The following PPARGC1A variants were observed in gnomAD, a reference collection of about 807,000 sequenced individuals.
PPARGC1A encodes the protein PPARG coactivator 1 alpha, also known as peroxisome proliferator-activated receptor gamma coactivator 1-alpha.
A neutral mutation model predicts 88.7 loss-of-function variants in PPARGC1A; 25 were observed. The ratio of observed to expected loss-of-function variants is 0.28; its 90% confidence interval spans 0.21 to 0.39. PPARGC1A has a LOEUF of 0.39. Ranked by LOEUF, PPARGC1A falls within the 10% of genes least tolerant of loss-of-function variation. The pLI is 1.00. For missense variants in PPARGC1A, 880 were observed against 968.7 expected, an observed-to-expected ratio of 0.91 and a Z score of 1.22; for synonymous variants, 363 against 355.6, an observed-to-expected ratio of 1.02 and a Z score of -0.24.
chr4:24,344,818 A>T, the PPARGC1A span, among the ~76,000 whole-genome samples: 1 of 152,122 alleles, frequency 6.6e-6, no homozygotes, highest in Non-Finnish European at 1.5e-5. Context: ...TTGGTCATTA[A>T]ATCCTTGCCT....
the PPARGC1A span, among the ~76,000 whole-genome samples, chr4:24,128,739 T>C: frequency 1.3e-5 from 2 of 152,164 alleles, no homozygotes; most frequent in East Asian, 3.9e-4. Context: ...ATCAATTCTC[T>C]CCCCATCTTC....
intron 7 of PPARGC1A, among the ~76,000 whole-genome samples, chr4:23,823,605 AAT>A (rs1461272738): frequency 1.2e-4 from 19 of 152,080 alleles, no homozygotes; most frequent in Non-Finnish European, 2.8e-4. Flanking sequence ...GTATTTAAGA[AAT>A]AGTGTTATGT....
chr4:24,045,894 C>T, the PPARGC1A span, among the ~76,000 whole-genome samples: 5 of 152,094 alleles, frequency 3.3e-5, no homozygotes, highest in Non-Finnish European at 7.4e-5. Context: ...GCCCAATCAA[C>T]CAAAAGACCC....
the PPARGC1A span, among the ~76,000 whole-genome samples, chr4:24,451,599 G>A: frequency 8.5e-5 from 13 of 152,224 alleles, no homozygotes; most frequent in South Asian, 2.5e-3. Flanking sequence ...TGTTTTTTGA[G>A]ATGGTGTCTT....
the PPARGC1A span, among the ~76,000 whole-genome samples, chr4:24,193,228 T>C: frequency 1.3e-5 from 2 of 152,204 alleles, no homozygotes; most frequent in African/African-American, 4.8e-5. Context: ...AGCTGTCTTC[T>C]AGCTGCAACT....
the PPARGC1A span, among the ~76,000 whole-genome samples, chr4:23,971,305 T>C: frequency 6.6e-6 from 1 of 152,202 alleles, no homozygotes; most frequent in African/African-American, 2.4e-5. Flanking sequence ...ATCAGTATAG[T>C]TGAGGCATAG....
chr4:24,257,074 T>C, the PPARGC1A span, among the ~76,000 whole-genome samples: 1 of 152,124 alleles, frequency 6.6e-6, no homozygotes, highest in Non-Finnish European at 1.5e-5. Flanking sequence ...ATTGTAGGGA[T>C]GAATAGGACA....
At chr4:24,209,739 GTTC>G in the PPARGC1A span, among the ~76,000 whole-genome samples, 2 of 152,126 alleles carry the variant, frequency 1.3e-5, no homozygotes, top group East Asian at 1.9e-4. Flanking sequence ...GCATCTTAAT[GTTC>G]TTATTTCATG....
At chr4:24,217,984 T>C in the PPARGC1A span, among the ~76,000 whole-genome samples, 1 of 152,150 alleles carries the variant, frequency 6.6e-6, no homozygotes, top group African/African-American at 2.4e-5. Flanking sequence ...TTTTTTAAAA[T>C]TGTTAAAATA....
chr4:24,354,893 A>AAACC, the PPARGC1A span, among the ~76,000 whole-genome samples: 3 of 151,614 alleles, frequency 2.0e-5, no homozygotes, highest in African/African-American at 7.3e-5. Context: ...AAAAAAAACA[A>AAACC]AAACAAACAA....
At chr4:24,079,393 A>C in the PPARGC1A span, among the ~76,000 whole-genome samples, 1 of 151,868 alleles carries the variant, frequency 6.6e-6, no homozygotes, top group African/African-American at 2.4e-5. Flanking sequence ...TTTTTCATAT[A>C]TTTATTGGTA....
At chr4:24,332,161 A>G in the PPARGC1A span, among the ~76,000 whole-genome samples, 1 of 151,560 alleles carries the variant, frequency 6.6e-6, no homozygotes, top group Non-Finnish European at 1.5e-5. Context: ...TTTCTTTTAT[A>G]GAGACAGGGG....
chr4:23,970,514 C>G, the PPARGC1A span, among the ~76,000 whole-genome samples: 1 of 152,274 alleles, frequency 6.6e-6, no homozygotes, highest in South Asian at 2.1e-4. Flanking sequence ...ACATATGATA[C>G]AGGCACTGTA....
chr4:23,963,648 C>A, the PPARGC1A span, among the ~76,000 whole-genome samples: 1 of 152,230 alleles, frequency 6.6e-6, no homozygotes, highest in African/African-American at 2.4e-5. Flanking sequence ...TTACCTCAAA[C>A]CCTAGAGAGA....
chr4:23,905,015 C>T (rs1719872660), upstream of PPARGC1A, among the ~76,000 whole-genome samples: 1 of 152,130 alleles, frequency 6.6e-6, no homozygotes, highest in Admixed American at 6.5e-5. Context: ...AGTTCTCCCT[C>T]GCAGCTTTAA....
chr4:24,368,085 A>AT, the PPARGC1A span, among the ~76,000 whole-genome samples: 71 of 152,296 alleles, frequency 4.7e-4, no homozygotes, highest in African/African-American at 1.6e-3. Context: ...AACTTGCCAA[A>AT]ATGACTGAGA....
chr4:24,248,456 T>C, the PPARGC1A span, among the ~76,000 whole-genome samples: 1 of 151,268 alleles, frequency 6.6e-6, no homozygotes, highest in African/African-American at 2.4e-5. Flanking sequence ...CCCCCAAGAG[T>C]TGGAGATAAG....
At chr4:24,037,673 A>G in the PPARGC1A span, among the ~76,000 whole-genome samples, 2 of 152,190 alleles carry the variant, frequency 1.3e-5, no homozygotes, top group Non-Finnish European at 2.9e-5. Context: ...TAAGAGAAAA[A>G]TCAGTGGAAG....
At chr4:24,145,303 C>T in the PPARGC1A span, among the ~76,000 whole-genome samples, 1 of 152,168 alleles carries the variant, frequency 6.6e-6, no homozygotes, top group Non-Finnish European at 1.5e-5. Context: ...CCACCCTGCA[C>T]TTGTAACCCT....
Sources: gnomAD v4.1 joint callset for allele counts (sites outside exome capture counted in the v4.1 genomes callset) on GRCh38, gnomAD v4.1.1 for gene constraint, MANE v1.5 for transcripts, NCBI Gene and HGNC (gene_info 2026-07-23, HGNC 2026-07-21) for gene names.